The following ADGRV1 variants were observed in gnomAD, a reference collection of about 807,000 sequenced individuals.
The protein encoded by ADGRV1 is adhesion G protein-coupled receptor V1.
A neutral mutation model predicts 596.2 loss-of-function variants in ADGRV1; 359 were observed. The ratio of observed to expected loss-of-function variants is 0.60; its 90% confidence interval spans 0.55 to 0.66. The LOEUF is 0.66. ADGRV1 is among the 30% of genes least tolerant of loss of function. The pLI, the probability that ADGRV1 is intolerant of heterozygous loss-of-function variation, is 0.00. For synonymous variants in ADGRV1, 2,681 were observed against 2,679.2 expected, an observed-to-expected ratio of 1.00 and a Z score of -0.02; for missense variants, 7,274 against 7,575.6, an observed-to-expected ratio of 0.96 and a Z score of 1.48.
At chr5:91,148,625 T>C (rs1437114352) in intron 87 of ADGRV1, among the ~76,000 whole-genome samples, 1 of 152,156 alleles carries the variant, frequency 6.6e-6, no homozygotes, top group Non-Finnish European at 1.5e-5. Context: ...GGTAGGGCAA[T>C]GCAGAAGGGA....
chr5:90,994,250 A>G (rs1473524964), intron 85 of ADGRV1, among the ~76,000 whole-genome samples: 1 of 151,822 alleles, frequency 6.6e-6, no homozygotes, highest in Non-Finnish European at 1.5e-5. Flanking sequence ...TTTAGTAGAG[A>G]TGGGGTTTCA....
chr5:90,823,200 T>C (rs1763751591), intron 75 of ADGRV1, among the ~76,000 whole-genome samples: 1 of 152,226 alleles, frequency 6.6e-6, no homozygotes, highest in Non-Finnish European at 1.5e-5. Context: ...GAATGGAGTG[T>C]ATTCAAAGAA....
chr5:90,997,107 C>T (rs890629724), intron 85 of ADGRV1, among the ~76,000 whole-genome samples: 10 of 152,036 alleles, frequency 6.6e-5, no homozygotes, highest in Non-Finnish European at 1.3e-4. Flanking sequence ...TATTTGGGGG[C>T]TGTTGAGAAG....
At chr5:90,818,441 C>A (rs1763134352) in intron 75 of ADGRV1, among the ~76,000 whole-genome samples, 1 of 150,520 alleles carries the variant, frequency 6.6e-6, no homozygotes, top group African/African-American at 2.4e-5. Flanking sequence ...GCCAGAACTT[C>A]CAACATTATG....
intron 86 of ADGRV1, among the ~76,000 whole-genome samples, chr5:91,077,682 C>T (rs1472174495): frequency 6.6e-6 from 1 of 152,118 alleles, no homozygotes; most frequent in East Asian, 1.9e-4. Context: ...GTCAGTGGCT[C>T]CTAATGAGAA....
chr5:91,140,136 C>T (rs887076315), intron 87 of ADGRV1, among the ~76,000 whole-genome samples: 6 of 152,176 alleles, frequency 3.9e-5, no homozygotes, highest in African/African-American at 1.4e-4. Context: ...CTAACCTTGC[C>T]TTCTCTCTTC....
chr5:91,149,105 A>G (rs906153380), intron 87 of ADGRV1, among the ~76,000 whole-genome samples: 3 of 152,248 alleles, frequency 2.0e-5, no homozygotes, highest in African/African-American at 7.2e-5. Context: ...GCCTTGTCCC[A>G]GATGAGACTT....
intron 86 of ADGRV1, among the ~76,000 whole-genome samples, chr5:91,085,770 T>C (rs1289849688): frequency 6.6e-6 from 1 of 152,208 alleles, no homozygotes; most frequent in South Asian, 2.1e-4. Flanking sequence ...TCTAGAAATA[T>C]GTATCACTTT....
chr5:90,753,221 G>T (rs906362548), intron 53 of ADGRV1, among the ~76,000 whole-genome samples: 17 of 152,132 alleles, frequency 1.1e-4, no homozygotes, highest in Non-Finnish European at 2.9e-5. Context: ...CTTTAAGCTA[G>T]TATGCCACCT....
intron 85 of ADGRV1, among the ~76,000 whole-genome samples, chr5:91,011,879 C>G (rs765185783): frequency 2.6e-5 from 4 of 151,934 alleles, no homozygotes; most frequent in Admixed American, 6.6e-5. Context: ...CACCAAAACA[C>G]TTCTCCCTGG....
intron 83 of ADGRV1, among the ~76,000 whole-genome samples, chr5:90,959,939 A>G (rs901439638): frequency 6.6e-6 from 1 of 152,214 alleles, no homozygotes; most frequent in East Asian, 1.9e-4. Context: ...GGAGATCAAG[A>G]CCATCCTGGC....
At chr5:91,146,474 C>T (rs373308896) in intron 87 of ADGRV1, among the ~76,000 whole-genome samples, 2 of 152,210 alleles carry the variant, frequency 1.3e-5, no homozygotes, top group African/African-American at 4.8e-5. Flanking sequence ...TTTAAGAATG[C>T]ATGCGTTAGC....
intron 21 of ADGRV1, among the ~76,000 whole-genome samples, chr5:90,669,096 A>G (rs944638723): frequency 3.3e-5 from 5 of 152,176 alleles, no homozygotes; most frequent in African/African-American, 1.2e-4. Context: ...TACGATCCCC[A>G]TTTTCAGAGG....
intron 50 of ADGRV1, among the ~76,000 whole-genome samples, chr5:90,736,026 C>G (rs547939256): frequency 6.6e-5 from 10 of 152,108 alleles, no homozygotes; most frequent in Middle Eastern, 3.2e-3. Flanking sequence ...AAGGAAGTGA[C>G]AATAGTGGGC....
At chr5:90,961,558 G>C (rs150463862) in intron 83 of ADGRV1, among the ~76,000 whole-genome samples, 2 of 146,016 alleles carry the variant, frequency 1.4e-5, no homozygotes, top group Non-Finnish European at 3.0e-5. Context: ...AGGAGTGAGA[G>C]TATCCGTAGT....
At chr5:91,028,041 T>C (rs1044257289) in intron 85 of ADGRV1, among the ~76,000 whole-genome samples, 3 of 151,676 alleles carry the variant, frequency 2.0e-5, no homozygotes, top group East Asian at 1.9e-4. Flanking sequence ...TTCTTTCTTT[T>C]TTTTTTTTTT....
intron 78 of ADGRV1, among the ~76,000 whole-genome samples, chr5:90,848,254 T>C (rs1316337252): frequency 6.6e-6 from 1 of 152,196 alleles, no homozygotes; most frequent in Non-Finnish European, 1.5e-5. Context: ...ATTCTTGAGG[T>C]ATTTATTTCC....
chr5:90,876,011 C>A (rs1305809722), intron 83 of ADGRV1, among the ~76,000 whole-genome samples: 2 of 152,074 alleles, frequency 1.3e-5, no homozygotes, highest in Admixed American at 6.5e-5. Context: ...TGAAATACCC[C>A]AACATACTGC....
At chr5:90,960,488 A>C (rs1359456322) in intron 83 of ADGRV1, among the ~76,000 whole-genome samples, 1 of 152,212 alleles carries the variant, frequency 6.6e-6, no homozygotes. Flanking sequence ...AATTGTTTTT[A>C]AGAACTTGAC....
Sources: gnomAD v4.1 joint callset for allele counts (sites outside exome capture counted in the v4.1 genomes callset) on GRCh38, gnomAD v4.1.1 for gene constraint, MANE v1.5 for transcripts, NCBI Gene and HGNC (gene_info 2026-07-23, HGNC 2026-07-21) for gene names.